The following HDLBP variants were observed in gnomAD, a reference collection of about 807,000 sequenced individuals.
The protein encoded by HDLBP is vigilin.
A neutral mutation model predicts 137.3 loss-of-function variants in HDLBP; 30 were observed. The ratio of observed to expected loss-of-function variants is 0.22; its 90% confidence interval spans 0.16 to 0.30. The LOEUF is 0.30. Ranked by LOEUF, HDLBP falls within the 10% of genes least tolerant of loss-of-function variation. The pLI is 1.00. For synonymous variants in HDLBP, 606 were observed against 596.0 expected (o/e 1.02, Z -0.24); for missense variants, 1,119 against 1,667.3 (o/e 0.67, Z 5.73).
chr2:241,229,458 G>A lies in HDLBP; in HGVS notation c.*143C>T, dbSNP rs1386815339. 3.1e-6 allele frequency: 2 copies of A among 641,660 alleles called. No homozygotes were observed. The highest frequency in any genetic ancestry group is 3.7e-5 in the African/African-American group (2 of 54,408). The allele number at this position is 641,660 out of a possible 1,614,324, so 39.7% of individuals were successfully genotyped here. A position where few individuals can be genotyped will look rare whatever the true frequency, so the allele number is the denominator to read the frequency against. On this transcript the variant is annotated 3_prime_UTR_variant, in exon 28 of 28. Transcript: ENST00000310931. ...GGAGCGGCCGCACACACAGCCAGGC[G>A]CTAGGCTCCCTGCGGGACCTCGGGA...
At chr2:241,282,343 CA>C (rs924666013) in intron 1 of HDLBP, among the ~76,000 whole-genome samples, 6 of 151,852 alleles carry the variant, frequency 4.0e-5, no homozygotes, top group African/African-American at 7.3e-5. Context: ...TCTGAAGACT[CA>C]AAAAAAAGTG....
intron 16 of HDLBP, among the ~76,000 whole-genome samples, chr2:241,246,339 T>C (rs886464898): frequency 5.3e-5 from 8 of 152,140 alleles, no homozygotes; most frequent in Non-Finnish European, 1.0e-4. Flanking sequence ...CAAAATGGCA[T>C]GGGACATTTT....
At chr2:241,306,566 TCTTA>T (rs2075581880) in intron 1 of HDLBP, among the ~76,000 whole-genome samples, 1 of 152,116 alleles carries the variant, frequency 6.6e-6, no homozygotes, top group Non-Finnish European at 1.5e-5. Context: ...GCCTCAGCTT[TCTTA>T]TTTTTAAAAG....
In HDLBP at chr2:241,265,554, ATG is replaced by A. The variant is rs1326088400; in HGVS notation, c.77-951_77-950del. On this transcript the variant is annotated intron_variant, in intron 3 of 27. Transcript: ENST00000310931. ...ATCTTCCATAGTGCCCTATTTGTTCATGTGTTTGTGCCATTAGCCACAATCTC... is the reference window on the plus strand; with the variant it reads ...ATCTTCCATAGTGCCCTATTTGTTCATGTTTGTGCCATTAGCCACAATCTC... Among the ~76,000 whole-genome samples, 73 of 152,328 alleles carry A rather than the reference ATG, an allele frequency of 4.8e-4. 1 individual carries two copies. In the East Asian group the frequency reaches 0.013, roughly 27 times the overall value.
chr2:241,268,492 T>C lies in HDLBP; in HGVS notation c.-53A>G. ...TCAAACTTACCAGCAAAACGGTCAGTAGCCAGAAGGTCCGTCCTGAGGCCG... is the reference window on the plus strand; with the variant it reads ...TCAAACTTACCAGCAAAACGGTCAGCAGCCAGAAGGTCCGTCCTGAGGCCG... On this transcript the variant is annotated 5_prime_UTR_variant, in exon 2 of 28. Coordinates refer to ENST00000310931, the MANE Select transcript of HDLBP (RefSeq NM_005336.6). 3.0e-6 allele frequency: 3 copies of C among 985,892 alleles called. No individual in the cohort carries two copies. Among genetic ancestry groups the C allele is most frequent in the Non-Finnish European group, 3.6e-6 (3 of 829,960 alleles). 61.1% of individuals were successfully genotyped at this position (985,892 alleles called of 1,614,324 possible).
intron 1 of HDLBP, chr2:241,280,144 T>G: frequency 1.0e-6 from 1 of 983,796 alleles, no homozygotes; most frequent in South Asian, 4.7e-5. Flanking sequence ...CCATACTGAG[T>G]GTGGTGGTCA....
chr2:241,304,998 G>A (rs755732517), intron 1 of HDLBP, among the ~76,000 whole-genome samples: 13 of 152,154 alleles, frequency 8.5e-5, no homozygotes, highest in Non-Finnish European at 4.4e-5. Context: ...CACTTAACCC[G>A]AGCTGGCACA....
intron 1 of HDLBP, among the ~76,000 whole-genome samples, chr2:241,290,363 C>T (rs969095787): frequency 6.6e-6 from 1 of 152,146 alleles, no homozygotes; most frequent in Non-Finnish European, 1.5e-5. Flanking sequence ...GTAATCCCAG[C>T]ACCTTGAAAG....
chr2:241,275,993 A>G (rs1240648779), intron 1 of HDLBP, among the ~76,000 whole-genome samples: 3 of 152,212 alleles, frequency 2.0e-5, no homozygotes, highest in Non-Finnish European at 4.4e-5. Context: ...AAGTGAAACA[A>G]GTGGTGACCC....
rs1354000259 is a variant in HDLBP at position 241,230,382 on chromosome 2, G to A, written c.3475-113C>T. Reference sequence around the variant, plus strand: ...TGAGTTAGCAAACGTTTTAAAATCTGGTTTCAGAGTTGTTCTGAAGTCAGT... The same window carrying A: ...TGAGTTAGCAAACGTTTTAAAATCTAGTTTCAGAGTTGTTCTGAAGTCAGT... On this transcript the variant is annotated intron_variant, in intron 25 of 27. Coordinates refer to ENST00000310931, the MANE Select transcript of HDLBP (RefSeq NM_005336.6). This position sits in a 1 kb window ranked among gnomAD's most constrained non-coding sequence, Gnocchi z 5.0. 3 of 730,082 alleles carry A rather than the reference G, an allele frequency of 4.1e-6. No homozygotes were observed. The highest frequency in any genetic ancestry group is 1.8e-5 in the South Asian group (1 of 55,160). 45.2% of individuals were successfully genotyped at this position (730,082 alleles called of 1,614,324 possible). A position where few individuals can be genotyped will look rare whatever the true frequency, so the allele number is the denominator to read the frequency against.
At position 241,233,078 on chromosome 2, in the gene HDLBP, T is replaced by C. The variant is rs6746588; in HGVS notation, c.3288+742A>G. Among the ~76,000 whole-genome samples, 136,105 of 152,118 alleles carry C rather than the reference T, an allele frequency of 0.89. 61,219 individuals carry two copies. The highest frequency in any genetic ancestry group is 1 in the East Asian group (5,116 of 5,128). On this transcript the variant is annotated intron_variant, in intron 24 of 27. Transcript: ENST00000310931. The surrounding 1 kb of genome is among the most constrained non-coding windows in gnomAD (Gnocchi z 4.3). ...TGGAGGGGCTCTGCTGCCAGGGGGT[T>C]TGCTGTTTCTGGAAACCAGCACAAC...
rs1187956560 is a variant in HDLBP at position 241,253,248 on chromosome 2, G to C, written c.1293+145C>G. On this transcript the variant is annotated intron_variant, in intron 10 of 27. Transcript: ENST00000310931. ...CCAGGACTTCGACCAGCTTCTGGTT[G>C]TTTCAGAACCTATTACTCACCCAGC... 15 of 714,344 alleles carry C rather than the reference G, an allele frequency of 2.1e-5. No individual in the cohort carries two copies. In the South Asian group the frequency reaches 2.4e-4, roughly 11 times the overall value. The allele number at this position is 714,344 out of a possible 1,614,324, so 44.3% of individuals were successfully genotyped here.
intron 1 of HDLBP, among the ~76,000 whole-genome samples, chr2:241,281,080 G>A (rs996957718): frequency 6.6e-6 from 1 of 152,366 alleles, no homozygotes; most frequent in South Asian, 2.1e-4. Context: ...GGGGGGCTGG[G>A]CGCGGTGGCT....
chr2:241,304,114 A>G (rs2075489193), intron 1 of HDLBP, among the ~76,000 whole-genome samples: 1 of 152,210 alleles, frequency 6.6e-6, no homozygotes, highest in Admixed American at 6.5e-5. Flanking sequence ...TATTACAGGC[A>G]TAAGCCACCA....
chr2:241,272,690 C>CCCCGCCCGGCAG lies in HDLBP; in HGVS notation c.-102-4161_-102-4150dup. 6.6e-6 allele frequency: 5 copies of CCCCGCCCGGCAG among 756,720 alleles called. No homozygotes were observed. Among genetic ancestry groups the CCCCGCCCGGCAG allele is most frequent in the South Asian group, 6.0e-5 (1 of 16,592 alleles). 46.9% of individuals were successfully genotyped at this position (756,720 alleles called of 1,614,324 possible). ...CCACGTCAGCAGCCACCCCCCACCC[C>CCCCGCCCGGCAG]CCCGCCCGGCAGCCCGCCCGCCCCG... is the stretch of plus-strand genomic sequence containing the variant. On this transcript the variant is annotated intron_variant, in intron 1 of 27. Coordinates refer to ENST00000310931, the MANE Select transcript of HDLBP (RefSeq NM_005336.6). The surrounding 1 kb of genome is among the most constrained non-coding windows in gnomAD (Gnocchi z 5.6).
intron 1 of HDLBP, chr2:241,268,939 G>A (rs2073875089): frequency 6.6e-6 from 1 of 152,294 alleles, no homozygotes; most frequent in Admixed American, 6.5e-5. Context: ...AAGGGTTGTT[G>A]TGCTGGGCTC....
intron 16 of HDLBP, among the ~76,000 whole-genome samples, chr2:241,244,113 T>A (rs1468082033): frequency 6.6e-6 from 1 of 152,146 alleles, no homozygotes; most frequent in African/African-American, 2.4e-5. Flanking sequence ...TGATATTAGA[T>A]GAAATGAGGC....
At chr2:241,306,908 AT>A (rs1324763288) in intron 1 of HDLBP, among the ~76,000 whole-genome samples, 1 of 148,300 alleles carries the variant, frequency 6.7e-6, no homozygotes, top group Non-Finnish European at 1.5e-5. Flanking sequence ...AAAAAAAAGT[AT>A]CCCAAGTCCC....
At chr2:241,281,376 C>T (rs1328607281) in intron 1 of HDLBP, among the ~76,000 whole-genome samples, 2 of 149,928 alleles carry the variant, frequency 1.3e-5, no homozygotes, top group African/African-American at 4.9e-5. Flanking sequence ...AATAAATAAG[C>T]CAGGCATGGT....
Sources: allele counts gnomAD v4.1 joint callset (sites outside exome capture counted in the v4.1 genomes callset), GRCh38; gene constraint gnomAD v4.1.1; non-coding constraint Gnocchi (gnomAD v3.1); transcripts MANE v1.5; gene names NCBI Gene and HGNC (gene_info 2026-07-23, HGNC 2026-07-21).